The following ANKRD46 variants were observed in gnomAD, a reference collection of about 807,000 sequenced individuals.
ANKRD46 encodes ankyrin repeat domain 46.
ANKRD46 carries 13 observed loss-of-function variants against 19.8 expected under a neutral mutation model. The ratio of observed to expected loss-of-function variants is 0.66; its 90% CI spans 0.43 to 1.04. The LOEUF is 1.04. ANKRD46 is among the 50% of genes least tolerant of loss of function. The pLI is 0.00. For missense variants in ANKRD46, 185 were observed against 274.8 expected, an observed-to-expected ratio of 0.67 and a Z score of 2.31; for synonymous variants, 91 against 106.9, an observed-to-expected ratio of 0.85 and a Z score of 0.92.
chr8:100,520,909 A>G lies in ANKRD46; in HGVS notation c.*1646T>C, dbSNP rs1168559960. ...ATACTTACATTTTGACCAATTTTGC[A>G]TATTTGTTTAGATTTACAAACAAAT... On this transcript the variant is annotated 3_prime_UTR_variant, in exon 5 of 5. Transcript: ENST00000335659. 5 of 984,854 alleles carry G rather than the reference A, an allele frequency of 5.1e-6. No individual in the cohort carries two copies. The highest frequency in any genetic ancestry group is 6.0e-6 in the Non-Finnish European group (5 of 829,448). The allele number at this position is 984,854 out of a possible 1,614,324, so 61.0% of individuals were successfully genotyped here.
intron 1 of ANKRD46, among the ~76,000 whole-genome samples, chr8:100,552,183 T>G (rs1398676415): frequency 1.3e-5 from 2 of 151,692 alleles, no homozygotes; most frequent in Non-Finnish European, 2.9e-5. Context: ...AATGTGTTAT[T>G]TAATGTCTAA....
At chr8:100,547,078 T>C (rs1171093840) in intron 1 of ANKRD46, among the ~76,000 whole-genome samples, 2 of 152,192 alleles carry the variant, frequency 1.3e-5, no homozygotes, top group Admixed American at 6.5e-5. Context: ...GGACTTGGAC[T>C]TTAGGTTAAT....
In ANKRD46 at chr8:100,537,216, C is replaced by A. The variant is rs945350043; in HGVS notation, c.-130-3905G>T. On this transcript the variant is annotated intron_variant, in intron 1 of 4. Transcript: ENST00000335659. The surrounding 1 kb of genome is among the most constrained non-coding windows in gnomAD (Gnocchi z 4.2). ...AAAATTGTTCTATATCCAATATCAA[C>A]AAGAATACATAATAGATGGATTTTT... 1.3e-5 allele frequency among the ~76,000 whole-genome samples: 2 copies of A among 152,052 alleles called. No homozygotes were observed. Among genetic ancestry groups the A allele is most frequent in the African/African-American group, 2.4e-5 (1 of 41,412 alleles).
chr8:100,528,021 A>G lies in ANKRD46; in HGVS notation c.312-18T>C. 1 of 1,542,566 alleles carries G rather than the reference A, an allele frequency of 6.5e-7. No individual in the cohort carries two copies. Among genetic ancestry groups the G allele is most frequent in the Non-Finnish European group, 8.7e-7 (1 of 1,154,548 alleles). On this transcript the variant is annotated intron_variant, in intron 3 of 4. Transcript: ENST00000335659. ...GATGATTGCTAAAAAAAAAAAAAAAAAAAAAAGTTTATAAAAATAAAGAAG... is the reference window on the plus strand; with the variant it reads ...GATGATTGCTAAAAAAAAAAAAAAAGAAAAAAGTTTATAAAAATAAAGAAG...
chr8:100,557,935 G>T lies in ANKRD46; in HGVS notation c.-131+1776C>A, dbSNP rs1317074982. 6.6e-6 allele frequency among the ~76,000 whole-genome samples: 1 copy of T among 151,976 alleles called. No individual in the cohort carries two copies. Among genetic ancestry groups the T allele is most frequent in the African/African-American group, 2.4e-5 (1 of 41,368 alleles). On this transcript the variant is annotated intron_variant, in intron 1 of 4. Coordinates refer to ENST00000335659, the MANE Select transcript of ANKRD46 (RefSeq NM_001270377.2). This position sits in a 1 kb window ranked among gnomAD's most constrained non-coding sequence, Gnocchi z 5.9. Reference sequence around the variant, plus strand: ...ACTGTTACCATCTGACTCCAGATACGTTAACTTTCACAAATCCCGCTTATC... The same window carrying T: ...ACTGTTACCATCTGACTCCAGATACTTTAACTTTCACAAATCCCGCTTATC...
rs1338550730 is a variant in ANKRD46 at position 100,549,999 on chromosome 8, CT to C, written c.-131+9711del. Among the ~76,000 whole-genome samples, 4 of 152,154 alleles carry C rather than the reference CT, an allele frequency of 2.6e-5. No homozygotes were observed. In the East Asian group the frequency reaches 5.8e-4, roughly 22 times the overall value. On this transcript the variant is annotated intron_variant, in intron 1 of 4. Coordinates refer to ENST00000335659, the MANE Select transcript of ANKRD46 (RefSeq NM_001270377.2). ...ACGTGTTTTCTGTATCTTCTCATGG[CT>C]TCATAGTTTCTCTTTAGGACTGCAT...
At chr8:100,540,009 C>T (rs1434482299) in intron 1 of ANKRD46, among the ~76,000 whole-genome samples, 1 of 152,166 alleles carries the variant, frequency 6.6e-6, no homozygotes, top group Non-Finnish European at 1.5e-5. Flanking sequence ...AAAAGAATTT[C>T]CTGTTTGTTA....
In ANKRD46 at chr8:100,511,957, G is replaced by A. The variant is rs1379537632; in HGVS notation, c.637-1318C>T. ...GAAGAATTGCTTGAACCCAGGTGGC[G>A]GAGGCTGCGGTGAGCCGAGATTGTG... On this transcript the variant is annotated intron_variant, in intron 5 of 5. Coordinates refer to the ANKRD46 transcript ENST00000520552. This position sits in a 1 kb window ranked among gnomAD's most constrained non-coding sequence, Gnocchi z 4.1. Among the ~76,000 whole-genome samples, 5 of 152,184 alleles carry A rather than the reference G, an allele frequency of 3.3e-5. No homozygotes were observed. Among genetic ancestry groups the A allele is most frequent in the Non-Finnish European group, 5.9e-5 (4 of 68,040 alleles).
In ANKRD46 at chr8:100,510,976, C is replaced by A. The variant is rs1054755208; in HGVS notation, c.637-337G>T. Among the ~76,000 whole-genome samples the A allele has an allele frequency of 2.0e-5, 3 of 152,224 alleles. No individual in the cohort carries two copies. Among genetic ancestry groups the A allele is most frequent in the Admixed American group, 1.3e-4 (2 of 15,276 alleles). ...CTGCCTGCAGGCCTGACCAATTACA[C>A]AAGAATAGAGGTTGACCTGTCTTTC... On this transcript the variant is annotated intron_variant, in intron 5 of 5. Transcript: ENST00000520552. The surrounding 1 kb of genome is among the most constrained non-coding windows in gnomAD (Gnocchi z 4.9).
At chr8:100,518,376 C>A (rs1024211689), downstream of ANKRD46, among the ~76,000 whole-genome samples, 4 of 152,112 alleles carry the variant, frequency 2.6e-5, no homozygotes, top group African/African-American at 9.7e-5. Context: ...TTAGAAGAAA[C>A]AACGAAGTCA....
intron 4 of ANKRD46, among the ~76,000 whole-genome samples, chr8:100,523,181 C>T (rs1212059488): frequency 6.6e-6 from 1 of 151,626 alleles, no homozygotes; most frequent in African/African-American, 2.4e-5. Flanking sequence ...TTAAGGTGTC[C>T]TGAGCAGAAG....
At position 100,527,800 on chromosome 8, in the gene ANKRD46, G is replaced by A; in HGVS notation, c.470+45C>T. ...AGAATGCTTGAGCCCAGGAGTTCAAGGAATGAGTAATACAGTGAGAAAAAA... is the reference window on the plus strand; with the variant it reads ...AGAATGCTTGAGCCCAGGAGTTCAAAGAATGAGTAATACAGTGAGAAAAAA... On this transcript the variant is annotated intron_variant, in intron 4 of 4. Coordinates refer to ENST00000335659, the MANE Select transcript of ANKRD46 (RefSeq NM_001270377.2). The surrounding 1 kb of genome is among the most constrained non-coding windows in gnomAD (Gnocchi z 4.0). 1 of 1,553,952 alleles carries A rather than the reference G, an allele frequency of 6.4e-7. No homozygotes were observed. The highest frequency in any genetic ancestry group is 1.3e-5 in the South Asian group (1 of 79,602).
At chr8:100,548,326 C>A (rs1331206741) in intron 1 of ANKRD46, among the ~76,000 whole-genome samples, 1 of 152,144 alleles carries the variant, frequency 6.6e-6, no homozygotes, top group East Asian at 1.9e-4. Context: ...CTACCCCTGA[C>A]TTGCCTCCTT....
At chr8:100,522,841 G>T in intron 4 of ANKRD46, 70 bp from the exon 5 acceptor site, 2 of 1,285,556 alleles carry the variant, frequency 1.6e-6, no homozygotes, top group Non-Finnish European at 2.2e-6. Context: ...AAACCACAGG[G>T]CTACTATTTA....
intron 1 of ANKRD46, among the ~76,000 whole-genome samples, chr8:100,539,280 G>A (rs770339313): frequency 1.2e-4 from 19 of 152,150 alleles, no homozygotes; most frequent in Non-Finnish European, 2.5e-4. Flanking sequence ...ACCTTTTAGT[G>A]ATCTGTCCTA....
At chr8:100,548,265 C>G (rs1259021348) in intron 1 of ANKRD46, among the ~76,000 whole-genome samples, 1 of 152,166 alleles carries the variant, frequency 6.6e-6, no homozygotes, top group East Asian at 1.9e-4. Context: ...TTGTTCCTGC[C>G]TACCTCTCCA....
chr8:100,512,468 G>A (rs1425617819), intron 5 of ANKRD46, among the ~76,000 whole-genome samples: 5 of 152,216 alleles, frequency 3.3e-5, no homozygotes, highest in Non-Finnish European at 7.3e-5. Context: ...AGGATGTAGT[G>A]CATTCCTGTT....
At chr8:100,542,628 A>G (rs907279141) in intron 1 of ANKRD46, among the ~76,000 whole-genome samples, 1 of 152,038 alleles carries the variant, frequency 6.6e-6, no homozygotes, top group Non-Finnish European at 1.5e-5. Flanking sequence ...TTTGGGAAGG[A>G]GTCTTTTTTG....
At chr8:100,520,388 T>C (rs1811701133), downstream of ANKRD46, among the ~76,000 whole-genome samples, 1 of 152,076 alleles carries the variant, frequency 6.6e-6, no homozygotes, top group Non-Finnish European at 1.5e-5. Context: ...GGAGCCTCAA[T>C]CTGGAATCCC....
Sources: gnomAD v4.1 joint callset for allele counts (sites outside exome capture counted in the v4.1 genomes callset) on GRCh38, gnomAD v4.1.1 for gene constraint, Gnocchi (gnomAD v3.1) non-coding constraint, MANE v1.5 for transcripts, NCBI Gene and HGNC (gene_info 2026-07-23, HGNC 2026-07-21) for gene names.